The following MAP2 variants were observed in gnomAD, a reference collection of about 807,000 sequenced individuals.
MAP2 encodes the protein microtubule-associated protein 2.
A neutral mutation model predicts 137.6 loss-of-function variants in MAP2; 14 were observed. The observed-to-expected ratio is 0.10, with a 90% CI of 0.07 to 0.16. MAP2 has a LOEUF of 0.16. MAP2 is among the 10% of genes least tolerant of loss of function. The pLI is 1.00. For synonymous variants in MAP2, 786 were observed against 782.3 expected, an observed-to-expected ratio of 1.00 and a Z score of -0.08; for missense variants, 2,088 against 2,191.5, an observed-to-expected ratio of 0.95 and a Z score of 0.94.
At chr2:209,541,440 G>A (rs1459513150) in intron 2 of MAP2, among the ~76,000 whole-genome samples, 1 of 151,202 alleles carries the variant, frequency 6.6e-6, no homozygotes, top group East Asian at 1.9e-4. Flanking sequence ...AGGTTAGGTT[G>A]ACTGTGGCAG....
intron 1 of MAP2, among the ~76,000 whole-genome samples, chr2:209,469,344 GAC>G (rs1254218558): frequency 2.6e-5 from 4 of 152,140 alleles, no homozygotes; most frequent in Non-Finnish European, 4.4e-5. Flanking sequence ...TGGTTGAAAA[GAC>G]AGATTCCGTG....
chr2:209,651,300 A>G (rs2094781768), intron 4 of MAP2, among the ~76,000 whole-genome samples: 2 of 152,158 alleles, frequency 1.3e-5, no homozygotes, highest in African/African-American at 2.4e-5. Flanking sequence ...TACATTTACC[A>G]TGCCTGTCTT....
chr2:209,584,314 G>A (rs528448114), intron 3 of MAP2, among the ~76,000 whole-genome samples: 1 of 152,120 alleles, frequency 6.6e-6, no homozygotes, highest in Admixed American at 6.6e-5. Flanking sequence ...GCTCCAGAAA[G>A]AACAAACATT....
chr2:209,652,333 A>G (rs1420987561), intron 4 of MAP2, among the ~76,000 whole-genome samples: 1 of 152,212 alleles, frequency 6.6e-6, no homozygotes, highest in Non-Finnish European at 1.5e-5. Context: ...ATAATGCCAT[A>G]AGATAGGATG....
chr2:209,560,898 T>C (rs2071893560), intron 2 of MAP2, among the ~76,000 whole-genome samples: 1 of 152,196 alleles, frequency 6.6e-6, no homozygotes, highest in South Asian at 2.1e-4. Context: ...AACTTACCCC[T>C]ACATGACCAC....
intron 3 of MAP2, among the ~76,000 whole-genome samples, chr2:209,621,450 G>A (rs1393535635): frequency 6.6e-6 from 1 of 151,354 alleles, no homozygotes; most frequent in African/African-American, 2.4e-5. Flanking sequence ...ATAGAGAGGG[G>A]GTTTTGCCAT....
intron 2 of MAP2, among the ~76,000 whole-genome samples, chr2:209,575,518 C>CAAAAAAA (rs71043942): frequency 2.5e-4 from 7 of 28,384 alleles, no homozygotes; most frequent in African/African-American, 3.4e-4. Flanking sequence ...GACTCCATCT[C>CAAAAAAA]AAAAAAAAAA....
chr2:209,570,181 C>G (rs369583951), intron 2 of MAP2, among the ~76,000 whole-genome samples: 1 of 151,832 alleles, frequency 6.6e-6, no homozygotes, highest in Non-Finnish European at 1.5e-5. Context: ...TAAACTCCCT[C>G]TCCTGGAAAA....
chr2:209,509,688 T>C (rs2061494223), intron 2 of MAP2, among the ~76,000 whole-genome samples: 1 of 151,916 alleles, frequency 6.6e-6, no homozygotes, highest in Non-Finnish European at 1.5e-5. Context: ...TAAGTTACTT[T>C]TGGTTTAAAA....
At position 209,682,319 on chromosome 2, in the gene MAP2, C is replaced by A. The variant is rs576261596; in HGVS notation, c.454+1492C>A. The stretch of plus-strand genomic sequence containing the variant: ...CAGCCTGGCCAACATGGTGAAAACC[C>A]GTCTCTACTAAAAATACAAAAATTA... On this transcript the variant is annotated intron_variant, in intron 7 of 15. Coordinates refer to ENST00000682079, the MANE Select transcript of MAP2 (RefSeq NM_001375505.1). 2.0e-5 allele frequency among the ~76,000 whole-genome samples: 3 copies of A among 151,996 alleles called. No individual in the cohort carries two copies. The East Asian group carries it at 5.8e-4, about 29-fold the overall frequency.
intron 2 of MAP2, among the ~76,000 whole-genome samples, chr2:209,550,067 G>A (rs1191061929): frequency 6.6e-6 from 1 of 152,184 alleles, no homozygotes. Context: ...GAGAAAGGAA[G>A]CAAACATTTT....
chr2:209,719,390 C>G (rs2069173401), intron 13 of MAP2, among the ~76,000 whole-genome samples: 1 of 152,170 alleles, frequency 6.6e-6, no homozygotes, highest in African/African-American at 2.4e-5. Flanking sequence ...AAAAATAAAT[C>G]AAAATCTCAT....
At chr2:209,551,449 C>A (rs1277486488) in intron 2 of MAP2, among the ~76,000 whole-genome samples, 1 of 152,112 alleles carries the variant, frequency 6.6e-6, no homozygotes, top group Non-Finnish European at 1.5e-5. Context: ...TGATAAGATA[C>A]ATTTCATAAT....
At chr2:209,684,935 G>A (rs2056413960) in intron 7 of MAP2, among the ~76,000 whole-genome samples, 1 of 151,936 alleles carries the variant, frequency 6.6e-6, no homozygotes, top group East Asian at 1.9e-4. Flanking sequence ...GGAAAGAACA[G>A]AGGTACCTGA....
intron 4 of MAP2, among the ~76,000 whole-genome samples, chr2:209,648,932 T>G (rs1377373923): frequency 2.0e-5 from 3 of 152,196 alleles, no homozygotes; most frequent in African/African-American, 4.8e-5. Flanking sequence ...TTGGAGAGTT[T>G]CCCATTGTAC....
intron 2 of MAP2, chr2:209,579,272 TGC>T (rs758491987): frequency 0.087 from 7,470 of 86,356 alleles, 233 homozygotes; most frequent in Admixed American, 0.14. Context: ...TGTGTGTGCG[TGC>T]GTGCGTGCGT....
At chr2:209,723,112 T>C (rs574715984) in intron 13 of MAP2, among the ~76,000 whole-genome samples, 2 of 152,300 alleles carry the variant, frequency 1.3e-5, no homozygotes, top group African/African-American at 4.8e-5. Flanking sequence ...GCCCCATTTG[T>C]GCTGTGTGGA....
intron 2 of MAP2, among the ~76,000 whole-genome samples, chr2:209,511,681 T>C (rs558021346): frequency 6.6e-6 from 1 of 152,166 alleles, no homozygotes; most frequent in East Asian, 1.9e-4. Context: ...AGTTGTCCTC[T>C]CATCTCAGCC....
At position 209,716,647 on chromosome 2, in the gene MAP2, A is replaced by C. The variant is rs539072802; in HGVS notation, c.5073+6393A>C. Among the ~76,000 whole-genome samples, 12 of 152,302 alleles carry C rather than the reference A, an allele frequency of 7.9e-5. No individual in the cohort carries two copies. The South Asian group carries it at 2.1e-3, about 26-fold the overall frequency. On this transcript the variant is annotated intron_variant, in intron 13 of 15. Coordinates refer to ENST00000682079, the MANE Select transcript of MAP2 (RefSeq NM_001375505.1). ...GGAAGCCAAAAGATTGGACACCCTG[A>C]TCTAAAAGAATATTGAACTAGGATT...
Sources: allele counts gnomAD v4.1 joint callset (sites outside exome capture counted in the v4.1 genomes callset), GRCh38; gene constraint gnomAD v4.1.1; transcripts MANE v1.5; gene names NCBI Gene and HGNC (gene_info 2026-07-23, HGNC 2026-07-21).